The following PTCD1 variants were observed in gnomAD, a reference collection of about 807,000 sequenced individuals.
PTCD1 encodes pentatricopeptide repeat-containing protein 1, mitochondrial.
In PTCD1, 50 loss-of-function variants were observed where a neutral mutation model predicts 53.4. The observed-to-expected ratio is 0.94, with a 90% confidence interval of 0.75 to 1.19. The LOEUF is 1.19. Among genes scored for constraint, PTCD1 ranks in the 50% most tolerant of loss-of-function variants. The pLI is 0.00. For missense variants in PTCD1, 918 were observed against 904.8 expected, an observed-to-expected ratio of 1.01 and a Z score of -0.19; for synonymous variants, 413 against 394.8, an observed-to-expected ratio of 1.05 and a Z score of -0.55.
Position 99,425,224 on chromosome 7 carries a change from C to A in PTCD1, c.1308G>T (p.Val436=), listed in dbSNP as rs1274051374. 6.2e-7 allele frequency: 1 copy of A among 1,612,130 alleles called. No individual in the cohort carries two copies. The highest frequency in any genetic ancestry group is 8.5e-7 in the Non-Finnish European group (1 of 1,178,514). Residue 436 remains valine (V), a synonymous_variant, in exon 6 of 8, where the codon GTG becomes GTT. Transcript: ENST00000292478. ...LTAVALKPPP[V]ELEVNLLTPG... ...GGGTCAGGAGGTTGACTTCCAGCTC[C>A]ACGGGAGGTGGCTTCAGGGCCACTG... is the stretch of plus-strand genomic sequence containing the variant.
intron 4 of PTCD1, 87 bp from the exon 5 acceptor site, chr7:99,429,291 G>T: frequency 6.6e-7 from 1 of 1,514,062 alleles, no homozygotes; most frequent in Non-Finnish European, 9.2e-7. Flanking sequence ...CACATTGGGA[G>T]GCCAAGGCAG....
Position 99,424,962 on chromosome 7 carries a change from TAA to T in PTCD1, c.1568_1569del (p.Phe523Ter), listed in dbSNP as rs746835661. 15 of 1,614,220 alleles carry T rather than the reference TAA, an allele frequency of 9.3e-6. No individual in the cohort carries two copies. Among genetic ancestry groups the T allele is most frequent in the Non-Finnish European group, 1.7e-6 (2 of 1,180,032 alleles). On this transcript the variant is annotated frameshift_variant, in exon 6 of 8. Transcript: ENST00000292478. LOFTEE classifies it high-confidence loss of function. ...EHQVEADLTF[F>X]NTLVRKKSKL... ...TTGCTCTTCTTTCTCACCAGCGTGT[TAA>T]AGAATGTCAGGTCGGCCTCTACCTG...
intron 3 of PTCD1, among the ~76,000 whole-genome samples, chr7:99,431,916 T>A (rs765113416): frequency 9.9e-5 from 15 of 152,210 alleles, no homozygotes; most frequent in Non-Finnish European, 2.2e-4. Flanking sequence ...AGACATGAGC[T>A]GTGTTGACTC....
chr7:99,429,913 C>T lies in PTCD1; in HGVS notation c.595-107G>A, dbSNP rs547896058. 1.2e-5 allele frequency: 17 copies of T among 1,389,392 alleles called. No individual in the cohort carries two copies. The East Asian group carries it at 2.0e-4, about 16-fold the overall frequency. The allele number at this position is 1,389,392 out of a possible 1,614,324, so 86.1% of individuals were successfully genotyped here. Reference sequence around the variant, plus strand: ...CTGGAGAGGACCCCGTCACTGCATCCACCAGGCCAGGCTCTAAGGCAGAGC... The same window carrying T: ...CTGGAGAGGACCCCGTCACTGCATCTACCAGGCCAGGCTCTAAGGCAGAGC... On this transcript the variant is annotated intron_variant, in intron 3 of 7. Transcript: ENST00000292478.
In PTCD1 at chr7:99,435,104, T is replaced by A; in HGVS notation, c.139A>T (p.Ser47Cys). Residue 47 changes from serine (S) to cysteine (C), a missense_variant, in exon 2 of 8, where the codon AGC (serine) becomes TGC (cysteine). By Grantham distance (112) the Ser-to-Cys change is moderately radical. Coordinates refer to ENST00000292478, the MANE Select transcript of PTCD1 (RefSeq NM_015545.4). Reference protein sequence around the residue: ...GLMRPMWAPFSSSSSQLPLGQ... With the variant: ...GLMRPMWAPFCSSSSQLPLGQ... ...AGGGGCAGCTGAGAGGAGGAGCTGC[T>A]GAAGGGCGCCCACATTGGCCGCATC... is the stretch of plus-strand genomic sequence containing the variant. 6.2e-7 allele frequency: 1 copy of A among 1,606,672 alleles called. No individual in the cohort carries two copies. Among genetic ancestry groups the A allele is most frequent in the East Asian group, 2.2e-5 (1 of 44,804 alleles).
intron 3 of PTCD1, 103 bp downstream of exon 3, chr7:99,433,175 G>A: frequency 1.9e-6 from 3 of 1,563,618 alleles, no homozygotes; most frequent in Middle Eastern, 1.7e-4. Context: ...AGGCCAGGGA[G>A]GTGAAGTCAC....
chr7:99,417,879 A>C lies in PTCD1; in HGVS notation c.*2088T>G. 7.4e-7 allele frequency: 1 copy of C among 1,359,882 alleles called. No individual in the cohort carries two copies. The allele number at this position is 1,359,882 out of a possible 1,614,324, so 84.2% of individuals were successfully genotyped here. On this transcript the variant is annotated 3_prime_UTR_variant, in exon 8 of 8. Transcript: ENST00000292478. ...ATGGTGGTGGGGAGCCCTAATCCCA[A>C]GGTGGTGGCAGGGTGACATCAGGGA...
chr7:99,419,494 G>T lies in PTCD1; in HGVS notation c.*473C>A. 6.3e-7 allele frequency: 1 copy of T among 1,598,278 alleles called. No homozygotes were observed. The highest frequency in any genetic ancestry group is 8.5e-7 in the Non-Finnish European group (1 of 1,172,582). ...GACTTCGCAGGTTCCTGCCTGTCAC[G>T]CCACCCCCTTCCTGGGAGCAGCGAG... On this transcript the variant is annotated 3_prime_UTR_variant, in exon 8 of 8. Transcript: ENST00000292478.
Position 99,424,773 on chromosome 7 carries a change from G to A in PTCD1, c.1737+22C>T, listed in dbSNP as rs774429695. 13 of 1,613,452 alleles carry A rather than the reference G, an allele frequency of 8.1e-6. No homozygotes were observed. The East Asian group carries it at 2.7e-4, about 33-fold the overall frequency. Reference sequence around the variant, plus strand: ...TGCTCCTGAGCACCATGGGTGTCCTGCCCAGGCCCGAGTCCACTCACCTTC... The same window carrying A: ...TGCTCCTGAGCACCATGGGTGTCCTACCCAGGCCCGAGTCCACTCACCTTC... On this transcript the variant is annotated intron_variant, in intron 6 of 7. Transcript: ENST00000292478.
At position 99,425,192 on chromosome 7, in the gene PTCD1, G is replaced by GC; in HGVS notation, c.1339dup (p.Ala447GlyfsTer17). 1 of 1,612,888 alleles carries GC rather than the reference G, an allele frequency of 6.2e-7. No individual in the cohort carries two copies. Among genetic ancestry groups the GC allele is most frequent in the South Asian group, 1.1e-5 (1 of 91,070 alleles). Reference sequence around the variant, plus strand: ...AAAGGAGACCACTGTAGGGGGAACGGCCCCGGGGGTCAGGAGGTTGACTTC... The same window carrying GC: ...AAAGGAGACCACTGTAGGGGGAACGGCCCCCGGGGGTCAGGAGGTTGACTTC... On this transcript the variant is annotated frameshift_variant, in exon 6 of 8. Coordinates refer to ENST00000292478, the MANE Select transcript of PTCD1 (RefSeq NM_015545.4). LOFTEE classifies it high-confidence loss of function.
intron 1 of PTCD1, 159 bp downstream of exon 1, chr7:99,438,533 C>T (rs1211499529): frequency 1.1e-5 from 12 of 1,125,886 alleles, no homozygotes; most frequent in African/African-American, 1.7e-5. Flanking sequence ...CCACCCGGAC[C>T]CTCAGGCCAA....
intron 5 of PTCD1, among the ~76,000 whole-genome samples, chr7:99,427,887 A>T (rs28419687): frequency 0.2 from 30,182 of 150,464 alleles, 5,361 homozygotes; most frequent in African/African-American, 0.49. Flanking sequence ...GTGCTTTGTT[A>T]AACAGATGCT....
In PTCD1 at chr7:99,418,725, G is replaced by C. The variant is rs1333403878; in HGVS notation, c.*1242C>G. 1.3e-5 allele frequency: 2 copies of C among 152,562 alleles called. No homozygotes were observed. Among genetic ancestry groups the C allele is most frequent in the African/African-American group, 2.4e-5 (1 of 41,480 alleles). 9.5% of individuals were successfully genotyped at this position (152,562 alleles called of 1,614,324 possible). ...GATTCCACAAGGAGTCCAGGTCAGG[G>C]GCTGGTGGGCTGGGGTGCTGCTTCA... On this transcript the variant is annotated 3_prime_UTR_variant, in exon 8 of 8. Transcript: ENST00000292478.
chr7:99,429,245 C>G (rs1276793435), intron 4 of PTCD1, 41 bp from the exon 5 acceptor site: 18 of 1,609,428 alleles, frequency 1.1e-5, no homozygotes, highest in South Asian at 4.4e-5. Context: ...GAACCTGCAG[C>G]AGGCTGGGCA....
Position 99,429,733 on chromosome 7 carries a change from C to G in PTCD1, c.668G>C (p.Trp223Ser). ...GGCGCTCTGTAGAGCTGAGTCCTTC[C>G]AGGGGGACTCGGCACAGACGTTGAA... Reference protein sequence around the residue: ...ALFNVCAESPWKDSALQSALK... With the variant: ...ALFNVCAESPSKDSALQSALK... Residue 223 changes from tryptophan to serine, a missense_variant, in exon 4 of 8, where the codon TGG becomes TCG. Physicochemically the swap from Trp to Ser is radical, Grantham distance 177 (BLOSUM62 -3). Coordinates refer to ENST00000292478, the MANE Select transcript of PTCD1 (RefSeq NM_015545.4). The G allele has an allele frequency of 6.2e-7, 1 of 1,614,200 alleles. No homozygotes were observed. Among genetic ancestry groups the G allele is most frequent in the South Asian group, 1.1e-5 (1 of 91,082 alleles).
rs756559575 is a variant in PTCD1 at position 99,425,502 on chromosome 7, G to A, written c.1030C>T (p.Leu344Phe). 5 of 1,612,384 alleles carry A rather than the reference G, an allele frequency of 3.1e-6. No homozygotes were observed. Among genetic ancestry groups the A allele is most frequent in the South Asian group, 1.1e-5 (1 of 91,060 alleles). The part of the protein sequence containing the change: ...LGDPQVASEL[L>F]LKPREEATVL... ...GTCGCCTCCTCCCTGGGCTTCAGAA[G>A]CAGCTCTGAGGCCACCTGGGGGTCC... The change falls in exon 6 of 8, where the codon CTT becomes TTT. Residue 344 changes from leucine (L) to phenylalanine (F), a missense_variant. Transcript: ENST00000292478.
Position 99,418,066 on chromosome 7 carries a change from C to A in PTCD1, c.*1901G>T. On this transcript the variant is annotated 3_prime_UTR_variant, in exon 8 of 8. Coordinates refer to ENST00000292478, the MANE Select transcript of PTCD1 (RefSeq NM_015545.4). ...CACTGCAACCTCCACCTCCCGGGTT[C>A]AAGCGGTTCTCCTGCCTCATCCTCC... 2 of 943,810 alleles carry A rather than the reference C, an allele frequency of 2.1e-6. No homozygotes were observed. The highest frequency in any genetic ancestry group is 2.4e-5 in the South Asian group (1 of 40,916). 58.5% of individuals were successfully genotyped at this position (943,810 alleles called of 1,614,324 possible).
intron 5 of PTCD1, 56 bp from the exon 6 acceptor site, chr7:99,425,672 G>A (rs1795986295): frequency 1.3e-6 from 2 of 1,557,700 alleles, no homozygotes; most frequent in Non-Finnish European, 1.7e-6. Flanking sequence ...GCTGGGCGCA[G>A]GGCTCACGCC....
At chr7:99,427,936 T>C (rs1178828719) in intron 5 of PTCD1, among the ~76,000 whole-genome samples, 1 of 150,864 alleles carries the variant, frequency 6.6e-6, no homozygotes, top group African/African-American at 2.5e-5. Context: ...CACCACTCCC[T>C]AATCTCAAGT....
Sources: allele counts gnomAD v4.1 joint callset (sites outside exome capture counted in the v4.1 genomes callset), GRCh38; gene constraint gnomAD v4.1.1; transcripts MANE v1.5; gene names NCBI Gene and HGNC (gene_info 2026-07-23, HGNC 2026-07-21).